Variants in OPN3 observed in about 807,000 individuals in gnomAD.
The protein encoded by OPN3 is opsin-3.
OPN3 carries 29 observed loss-of-function variants against 33.8 expected under a neutral mutation model. That is an observed-to-expected ratio of 0.86 (90% CI 0.64 to 1.17). The LOEUF (loss-of-function observed/expected upper bound fraction) is 1.17. Among genes scored for constraint, OPN3 ranks in the 50% most tolerant of loss-of-function variants. The pLI is 0.00. For missense variants in OPN3, 437 were observed against 514.1 expected (o/e 0.85, Z 1.45); for synonymous variants, 216 against 216.1 (o/e 1.00, Z 0.00).
chr1:241,616,003 A>G (rs1308280901), intron 1 of OPN3: 2 of 456,316 alleles, frequency 4.4e-6, no homozygotes, highest in South Asian at 1.5e-5. Context: ...GACAGGAAGA[A>G]GCCAGAGATT....
chr1:241,639,774 A>T (rs1270571023), intron 1 of OPN3, 108 bp downstream of exon 1: 9 of 1,045,142 alleles, frequency 8.6e-6, no homozygotes, highest in Non-Finnish European at 1.1e-5. Flanking sequence ...CGCGGGGCCG[A>T]GCGGGAAGCG....
intron 1 of OPN3, among the ~76,000 whole-genome samples, chr1:241,620,238 TATA>T (rs1198808790): frequency 3.6e-5 from 4 of 110,600 alleles, no homozygotes; most frequent in African/African-American, 1.6e-4. Context: ...TCAGTAGAAA[TATA>T]ATGTGAGCCA....
intron 1 of OPN3, among the ~76,000 whole-genome samples, chr1:241,619,901 G>A (rs1022675115): frequency 2.6e-5 from 4 of 152,196 alleles, no homozygotes; most frequent in Admixed American, 6.5e-5. Flanking sequence ...AACGTATAGG[G>A]CCCTGAGTTT....
intron 1 of OPN3, chr1:241,634,432 T>C (rs773243934): frequency 5.6e-6 from 9 of 1,613,682 alleles, no homozygotes; most frequent in Middle Eastern, 1.6e-4. Flanking sequence ...CATTTGAGCA[T>C]GTTTCCTCAG....
At chr1:241,627,784 T>C (rs1664462819) in intron 1 of OPN3, among the ~76,000 whole-genome samples, 1 of 152,168 alleles carries the variant, frequency 6.6e-6, no homozygotes, top group Non-Finnish European at 1.5e-5. Context: ...AATAAAAATC[T>C]GAAAATTTTC....
At chr1:241,626,373 A>T (rs1480467607) in intron 1 of OPN3, among the ~76,000 whole-genome samples, 1 of 152,154 alleles carries the variant, frequency 6.6e-6, no homozygotes, top group Non-Finnish European at 1.5e-5. Context: ...TTTGTTTGAA[A>T]GGAGATTACA....
At chr1:241,606,749 G>A (rs909086875) in intron 1 of OPN3, among the ~76,000 whole-genome samples, 8 of 152,186 alleles carry the variant, frequency 5.3e-5, no homozygotes, top group Admixed American at 4.6e-4. Flanking sequence ...TGGACGCAGA[G>A]AGACTGAAAG....
chr1:241,634,571 A>T (rs754911781), intron 1 of OPN3: 1 of 1,613,868 alleles, frequency 6.2e-7, no homozygotes, highest in South Asian at 1.1e-5. Context: ...AAGACAATAG[A>T]TTCCACCAAA....
At chr1:241,618,122 C>T (rs1200687147) in intron 1 of OPN3, among the ~76,000 whole-genome samples, 1 of 152,186 alleles carries the variant, frequency 6.6e-6, no homozygotes, top group Non-Finnish European at 1.5e-5. Flanking sequence ...TTCCCAGACC[C>T]ATTCACATTC....
At chr1:241,604,176 T>C (rs1276964223) in intron 2 of OPN3, 84 bp downstream of exon 2, 11 of 1,277,906 alleles carry the variant, frequency 8.6e-6, no homozygotes, top group Non-Finnish European at 1.2e-5. Context: ...ACTGATGACA[T>C]AGGAAGACTT....
At chr1:241,639,220 C>T (rs937538669) in intron 1 of OPN3, 7 of 152,190 alleles carry the variant, frequency 4.6e-5, no homozygotes, top group African/African-American at 7.2e-5. Context: ...TAATCTCACC[C>T]AAGATTCTGG....
chr1:241,593,141 T>A lies in OPN3; in HGVS notation c.*1287A>T. On this transcript the variant is annotated 3_prime_UTR_variant, in exon 4 of 4. Transcript: ENST00000366554. ...ATACTAAGTGAAGGACAGGAAAGGGTTTTATTCATAAATTAAATGTCTACA... is the reference window on the plus strand; with the variant it reads ...ATACTAAGTGAAGGACAGGAAAGGGATTTATTCATAAATTAAATGTCTACA... 4.3e-6 allele frequency: 1 copy of A among 231,518 alleles called. No individual in the cohort carries two copies. The highest frequency in any genetic ancestry group is 9.6e-6 in the Non-Finnish European group (1 of 104,638). The allele number at this position is 231,518 out of a possible 1,614,324, so 14.3% of individuals were successfully genotyped here.
In OPN3 at chr1:241,593,408, A is replaced by C. The variant is rs763596525; in HGVS notation, c.*1020T>G. ...ATCCTTCAAACATGATTAATTATGA[A>C]GATGAAACACTAGAGTCATATAAGA... On this transcript the variant is annotated 3_prime_UTR_variant, in exon 4 of 4. Coordinates refer to ENST00000366554, the MANE Select transcript of OPN3 (RefSeq NM_014322.3). The C allele has an allele frequency of 4.0e-5, 17 of 428,500 alleles. No individual in the cohort carries two copies. The highest frequency in any genetic ancestry group is 7.7e-5 in the Non-Finnish European group (15 of 195,596). The allele number at this position is 428,500 out of a possible 1,614,324, so 26.5% of individuals were successfully genotyped here.
chr1:241,635,031 C>T (rs1476287591), intron 1 of OPN3: 2 of 1,613,150 alleles, frequency 1.2e-6, no homozygotes, highest in Non-Finnish European at 1.7e-6. Flanking sequence ...ATTAAAAGAT[C>T]AATTAGCAAT....
intron 1 of OPN3, among the ~76,000 whole-genome samples, chr1:241,606,093 C>T: frequency 6.6e-6 from 1 of 152,086 alleles, no homozygotes; most frequent in African/African-American, 2.4e-5. Flanking sequence ...AAGGCTATTG[C>T]AACAGCAGGC....
intron 1 of OPN3, chr1:241,634,123 G>A: frequency 1.2e-6 from 2 of 1,612,390 alleles, no homozygotes; most frequent in Non-Finnish European, 1.7e-6. Context: ...GAGCCCACAA[G>A]AGTCTTGGCT....
intron 1 of OPN3, among the ~76,000 whole-genome samples, chr1:241,620,092 G>A (rs939448635): frequency 3.3e-5 from 5 of 152,086 alleles, no homozygotes. Context: ...ATACAGGGTG[G>A]GGCAGGGTTG....
intron 1 of OPN3, among the ~76,000 whole-genome samples, chr1:241,612,923 G>T (rs997322341): frequency 6.6e-6 from 1 of 152,150 alleles, no homozygotes; most frequent in East Asian, 1.9e-4. Flanking sequence ...TCAGGGAGAT[G>T]AATTTTAGGG....
At chr1:241,634,875 T>C in intron 1 of OPN3, 2 of 1,609,704 alleles carry the variant, frequency 1.2e-6, no homozygotes, top group Non-Finnish European at 1.7e-6. Context: ...AGAAATTTCA[T>C]TAGCATCCTC....
Sources: gnomAD v4.1 joint callset for allele counts (sites outside exome capture counted in the v4.1 genomes callset) on GRCh38, gnomAD v4.1.1 for gene constraint, MANE v1.5 for transcripts, NCBI Gene and HGNC (gene_info 2026-07-23, HGNC 2026-07-21) for gene names.